The following LAMTOR1 variants were observed in gnomAD, a reference collection of about 807,000 sequenced individuals.
The protein encoded by LAMTOR1 is late endosomal/lysosomal adaptor, MAPK and MTOR activator 1.
LAMTOR1 carries 8 observed loss-of-function variants against 20.5 expected under a neutral mutation model. The observed-to-expected ratio is 0.39, with a 90% CI of 0.23 to 0.70. LAMTOR1 has a LOEUF of 0.70. Among genes scored for constraint, LAMTOR1 ranks in the 30% least tolerant of loss-of-function variants. The pLI, the probability that LAMTOR1 is intolerant of heterozygous loss-of-function variation, is 0.43. For synonymous variants in LAMTOR1, 77 were observed against 80.9 expected, an observed-to-expected ratio of 0.95 and a Z score of 0.26; for missense variants, 135 against 206.2, an observed-to-expected ratio of 0.65 and a Z score of 2.11.
At position 72,099,198 on chromosome 11, in the gene LAMTOR1, T is replaced by C. The variant is rs953585735; in HGVS notation, c.101A>G (p.Asn34Ser). ...GCTGTGGTAGTTGGGCTCGGCTCCA[T>C]TGAGAGCTTTGGTAGGGGGGCTGCT... Reference protein sequence around the residue: ...DPSSPPTKALNGAEPNYHSLP... With the variant: ...DPSSPPTKALSGAEPNYHSLP... The change falls in exon 2 of 5, where the codon AAT (asparagine) becomes AGT (serine). Residue 34 changes from asparagine (N) to serine (S), a missense_variant. Physicochemically the swap from Asn to Ser is conservative, Grantham distance 46 (BLOSUM62 1). Coordinates refer to ENST00000278671, the MANE Select transcript of LAMTOR1 (RefSeq NM_017907.3). 12 of 1,611,028 alleles carry C rather than the reference T, an allele frequency of 7.4e-6. No individual in the cohort carries two copies. Among genetic ancestry groups the C allele is most frequent in the Admixed American group, 5.0e-5 (3 of 59,658 alleles).
chr11:72,098,149 G>T, intron 4 of LAMTOR1, 140 bp downstream of exon 4: 1 of 1,149,326 alleles, frequency 8.7e-7, no homozygotes, highest in Non-Finnish European at 1.2e-6. Context: ...GAACGAGGTG[G>T]GAGGGAGCTG....
intron 1 of LAMTOR1, 90 bp downstream of exon 1, chr11:72,103,093 C>T: frequency 6.7e-7 from 1 of 1,490,514 alleles, no homozygotes; most frequent in Non-Finnish European, 9.2e-7. Flanking sequence ...GCCCTGCAGT[C>T]CGGCTGCCCG....
Position 72,099,395 on chromosome 11 carries a change from A to G in LAMTOR1, c.43-139T>C. The stretch of plus-strand genomic sequence containing the variant: ...ATATCTAAAGTGCCCAGCTTTATGG[A>G]ATGCCAGATAAGACTCAGTTCCTGC... On this transcript the variant is annotated intron_variant, in intron 1 of 4. Transcript: ENST00000278671. 3 of 907,120 alleles carry G rather than the reference A, an allele frequency of 3.3e-6. No individual in the cohort carries two copies. In the Admixed American group the frequency reaches 9.9e-5, roughly 30 times the overall value. 56.2% of individuals were successfully genotyped at this position (907,120 alleles called of 1,614,324 possible).
chr11:72,098,139 G>T, intron 4 of LAMTOR1, 150 bp downstream of exon 4: 1 of 1,103,046 alleles, frequency 9.1e-7, no homozygotes, highest in Non-Finnish European at 1.3e-6. Flanking sequence ...AAAGTTAAGA[G>T]AACGAGGTGG....
chr11:72,102,937 G>A (rs1343472518), intron 1 of LAMTOR1, among the ~76,000 whole-genome samples: 1 of 152,256 alleles, frequency 6.6e-6, no homozygotes, highest in African/African-American at 2.4e-5. Flanking sequence ...AGGAGCAAAC[G>A]GAAGTGGTGG....
In LAMTOR1 at chr11:72,098,341, T is replaced by C; in HGVS notation, c.341A>G (p.Gln114Arg). Residue 114 changes from glutamine (Q) to arginine (R), a missense_variant, in exon 4 of 5, where the codon CAG becomes CGG. Transcript: ENST00000278671. ...CTCACTGGCCAGCACTTGGTGGGGC[T>C]GGCTGGTAAGAGACGGCAGCGGTGG... ...KLPPLPSLTS[Q>R]PHQVLASEPI... is the part of the protein sequence containing the mutation. 2 of 1,613,558 alleles carry C rather than the reference T, an allele frequency of 1.2e-6. No individual in the cohort carries two copies. The highest frequency in any genetic ancestry group is 1.3e-5 in the African/African-American group (1 of 74,980).
At chr11:72,099,014 T>C (rs541916672) in intron 2 of LAMTOR1, 97 bp downstream of exon 2, 2 of 1,517,002 alleles carry the variant, frequency 1.3e-6, no homozygotes, top group East Asian at 2.3e-5. Flanking sequence ...CCCAGTGACC[T>C]TGTCCCATCC....
intron 1 of LAMTOR1, chr11:72,100,813 C>T (rs1221416222): frequency 6.6e-6 from 1 of 152,250 alleles, no homozygotes; most frequent in Non-Finnish European, 1.5e-5. Context: ...TTTCTCAAGG[C>T]TAGGTTGCCC....
chr11:72,101,983 G>A (rs974395239), intron 1 of LAMTOR1, among the ~76,000 whole-genome samples: 2 of 152,194 alleles, frequency 1.3e-5, no homozygotes. Context: ...AGGTGGAAGT[G>A]AAGTGAGAGG....
At chr11:72,098,203 C>T in intron 4 of LAMTOR1, 86 bp downstream of exon 4, 1 of 1,550,350 alleles carries the variant, frequency 6.5e-7, no homozygotes. Flanking sequence ...CCTTCCCTAC[C>T]TCCTCTGAGG....
chr11:72,098,520 A>AG (rs1945319672), intron 3 of LAMTOR1, 105 bp from the exon 4 acceptor site: 16 of 1,381,618 alleles, frequency 1.2e-5, no homozygotes, highest in Non-Finnish European at 1.5e-5. Context: ...GGTGTCGAGG[A>AG]GGGGTATCTG....
chr11:72,102,681 A>G (rs1240755098), intron 1 of LAMTOR1, among the ~76,000 whole-genome samples: 1 of 152,204 alleles, frequency 6.6e-6, no homozygotes, highest in Non-Finnish European at 1.5e-5. Flanking sequence ...TTCAAAGGCC[A>G]CCAACTTCCA....
chr11:72,098,256 A>G, intron 4 of LAMTOR1, 33 bp downstream of exon 4: 8 of 1,609,922 alleles, frequency 5.0e-6, no homozygotes, highest in Non-Finnish European at 5.9e-6. Context: ...CAGTGTGAGA[A>G]GGGTGGGCAG....
At chr11:72,099,876 C>T (rs1393495485) in intron 1 of LAMTOR1, among the ~76,000 whole-genome samples, 1 of 152,216 alleles carries the variant, frequency 6.6e-6, no homozygotes, top group Non-Finnish European at 1.5e-5. Flanking sequence ...AGGCAGGTCC[C>T]TTCGAAGGTG....
intron 1 of LAMTOR1, among the ~76,000 whole-genome samples, chr11:72,099,708 G>C (rs1446962152): frequency 1.3e-5 from 2 of 152,214 alleles, no homozygotes; most frequent in African/African-American, 4.8e-5. Context: ...CAGCAAAGCT[G>C]TTCGCTTCCA....
At chr11:72,099,868 G>A (rs889241203) in intron 1 of LAMTOR1, among the ~76,000 whole-genome samples, 1 of 152,180 alleles carries the variant, frequency 6.6e-6, no homozygotes, top group Non-Finnish European at 1.5e-5. Flanking sequence ...CTTCTTGAAG[G>A]CAGGTCCCTT....
At chr11:72,098,465 C>T in intron 3 of LAMTOR1, 50 bp from the exon 4 acceptor site, 1 of 1,576,310 alleles carries the variant, frequency 6.3e-7, no homozygotes, top group Non-Finnish European at 8.6e-7. Context: ...ACAGTCTGCC[C>T]TGCCCAGCCC....
intron 1 of LAMTOR1, among the ~76,000 whole-genome samples, chr11:72,102,080 T>G (rs754084835): frequency 2.0e-5 from 3 of 152,194 alleles, no homozygotes; most frequent in Non-Finnish European, 4.4e-5. Context: ...AAGCCACCCT[T>G]GCTTCCCATA....
At position 72,099,191 on chromosome 11, in the gene LAMTOR1, G is replaced by A. The variant is rs148691728; in HGVS notation, c.108C>T (p.Ala36=). The A allele has an allele frequency of 1.3e-4, 211 of 1,612,530 alleles. No homozygotes were observed. The highest frequency in any genetic ancestry group is 3.3e-4 in the Middle Eastern group (2 of 6,046). Reference sequence around the variant, plus strand: ...AAGGCAGGCTGTGGTAGTTGGGCTCGGCTCCATTGAGAGCTTTGGTAGGGG... The same window carrying A: ...AAGGCAGGCTGTGGTAGTTGGGCTCAGCTCCATTGAGAGCTTTGGTAGGGG... The part of the protein sequence containing the change: ...SSPPTKALNG[A]EPNYHSLPSA... Residue 36 remains alanine, a synonymous_variant, in exon 2 of 5, where the codon GCC becomes GCT. Coordinates refer to ENST00000278671, the MANE Select transcript of LAMTOR1 (RefSeq NM_017907.3).
Sources: gnomAD v4.1 joint callset for allele counts (sites outside exome capture counted in the v4.1 genomes callset) on GRCh38, gnomAD v4.1.1 for gene constraint, MANE v1.5 for transcripts, NCBI Gene and HGNC (gene_info 2026-07-23, HGNC 2026-07-21) for gene names.